The following CDKL3 variants were observed in gnomAD, a reference collection of about 807,000 sequenced individuals.
CDKL3 encodes the protein cyclin dependent kinase like 3.
Under a neutral mutation model 69.3 loss-of-function variants are expected in CDKL3, and 65 were observed. That is an observed-to-expected ratio of 0.94 (90% CI 0.77 to 1.15). CDKL3 has a LOEUF of 1.15. Ranked by LOEUF, CDKL3 falls within the 50% of genes most tolerant of loss-of-function variation. The pLI, the probability that CDKL3 is intolerant of heterozygous loss-of-function variation, is 0.00. For synonymous variants in CDKL3, 202 were observed against 221.6 expected (o/e 0.91, Z 0.79); for missense variants, 652 against 689.2 (o/e 0.95, Z 0.61).
Position 134,298,560 on chromosome 5 carries a change from A to C in CDKL3, c.*91T>G. 6.6e-7 allele frequency: 1 copy of C among 1,521,242 alleles called. No individual in the cohort carries two copies. Among genetic ancestry groups the C allele is most frequent in the Non-Finnish European group, 8.8e-7 (1 of 1,137,848 alleles). 94.2% of individuals were successfully genotyped at this position (1,521,242 alleles called of 1,614,324 possible). ...GCTCATGCACATGGATGGCTGTCTT[A>C]ACAACAACTCACATCACACTTCTAT... On this transcript the variant is annotated 3_prime_UTR_variant, in exon 13 of 13. Coordinates refer to ENST00000265334, the MANE Select transcript of CDKL3 (RefSeq NM_001113575.2).
chr5:134,356,711 G>A (rs1754698649), intron 3 of CDKL3, among the ~76,000 whole-genome samples: 1 of 152,140 alleles, frequency 6.6e-6, no homozygotes, highest in African/African-American at 2.4e-5. Context: ...TTGAACCTGG[G>A]AGGTGGAGGT....
intron 4 of CDKL3, among the ~76,000 whole-genome samples, chr5:134,339,925 G>C (rs1267823658): frequency 6.6e-6 from 1 of 152,104 alleles, no homozygotes; most frequent in Non-Finnish European, 1.5e-5. Context: ...AGAGAGGTAG[G>C]AGGGTCACTT....
intron 2 of CDKL3, among the ~76,000 whole-genome samples, chr5:134,360,946 A>G (rs1418352287): frequency 2.0e-5 from 3 of 152,212 alleles, no homozygotes; most frequent in Non-Finnish European, 4.4e-5. Flanking sequence ...GTGAACTACC[A>G]ATTTATAACC....
intron 6 of CDKL3, among the ~76,000 whole-genome samples, chr5:134,312,730 C>T (rs528072482): frequency 1.3e-5 from 2 of 152,332 alleles, no homozygotes; most frequent in East Asian, 1.9e-4. Flanking sequence ...TTTTACAGAT[C>T]TAGAAGCATG....
At chr5:134,308,521 G>A in intron 8 of CDKL3, 53 bp downstream of exon 8, 2 of 1,548,140 alleles carry the variant, frequency 1.3e-6, no homozygotes, top group Non-Finnish European at 1.7e-6. Flanking sequence ...TTTGTCATTA[G>A]AGTCTAACTA....
At chr5:134,311,669 G>A (rs1467681144) in intron 7 of CDKL3, among the ~76,000 whole-genome samples, 1 of 152,178 alleles carries the variant, frequency 6.6e-6, no homozygotes, top group Non-Finnish European at 1.5e-5. Flanking sequence ...AGTATTGATT[G>A]CTTATTTAAT....
chr5:134,319,461 T>C lies in CDKL3; in HGVS notation c.689A>G (p.Lys230Arg). Residue 230 changes from lysine to arginine, a missense_variant, in exon 6 of 13, where the codon AAG becomes AGG. Coordinates refer to ENST00000265334, the MANE Select transcript of CDKL3 (RefSeq NM_001113575.2). ...LSPHLQNIFS[K>R]SPIFAGVVLP... is the part of the protein sequence containing the mutation. ...AACTACCCCAGCAAAAATGGGGCTCTTGGAAAAGATATTCTGCAAGTGAGG... is the reference window on the plus strand; with the variant it reads ...AACTACCCCAGCAAAAATGGGGCTCCTGGAAAAGATATTCTGCAAGTGAGG... 1.3e-6 allele frequency: 2 copies of C among 1,532,974 alleles called. No individual in the cohort carries two copies. The highest frequency in any genetic ancestry group is 1.8e-6 in the Non-Finnish European group (2 of 1,142,208). 95.0% of individuals were successfully genotyped at this position (1,532,974 alleles called of 1,614,324 possible).
chr5:134,297,791 A>G (rs1164279986), downstream of CDKL3, among the ~76,000 whole-genome samples: 1 of 151,708 alleles, frequency 6.6e-6, no homozygotes, highest in Non-Finnish European at 1.5e-5. Flanking sequence ...CATGTTGGTC[A>G]GGCTGGTCTC....
chr5:134,321,537 A>C (rs1273202444), intron 5 of CDKL3, among the ~76,000 whole-genome samples: 1 of 152,136 alleles, frequency 6.6e-6, no homozygotes, highest in Non-Finnish European at 1.5e-5. Flanking sequence ...GTACATTCCT[A>C]TTGTACTATT....
At chr5:134,334,107 G>T (rs1489401238) in intron 4 of CDKL3, among the ~76,000 whole-genome samples, 1 of 152,110 alleles carries the variant, frequency 6.6e-6, no homozygotes, top group Non-Finnish European at 1.5e-5. Context: ...GGAGGGGTTT[G>T]TAGTATTCTC....
chr5:134,370,431 C>A (rs1329196251), upstream of CDKL3, among the ~76,000 whole-genome samples: 1 of 152,164 alleles, frequency 6.6e-6, no homozygotes, highest in Non-Finnish European at 1.5e-5. Flanking sequence ...AGATATATAA[C>A]CCTCACTCAT....
chr5:134,363,199 T>C (rs1166629589), intron 2 of CDKL3, among the ~76,000 whole-genome samples: 5 of 152,214 alleles, frequency 3.3e-5, no homozygotes, highest in Admixed American at 1.3e-4. Context: ...ATCTATAGTA[T>C]TATGTTTTAG....
chr5:134,360,147 AC>A (rs1457225155), intron 2 of CDKL3, 56 bp from the exon 3 acceptor site: 7 of 1,133,552 alleles, frequency 6.2e-6, no homozygotes, highest in Non-Finnish European at 8.7e-6. Context: ...AACAATTTGT[AC>A]ATATAACGTG....
intron 6 of CDKL3, among the ~76,000 whole-genome samples, chr5:134,314,446 T>C (rs1018141728): frequency 6.6e-6 from 1 of 152,210 alleles, no homozygotes; most frequent in Non-Finnish European, 1.5e-5. Flanking sequence ...TGTTCTTAGA[T>C]ATTTCTGCAG....
chr5:134,308,741 C>A lies in CDKL3; in HGVS notation c.882-14G>T. 6.4e-7 allele frequency: 1 copy of A among 1,570,898 alleles called. No individual in the cohort carries two copies. Among genetic ancestry groups the A allele is most frequent in the Non-Finnish European group, 8.6e-7 (1 of 1,167,278 alleles). Reference sequence around the variant, plus strand: ...TCTGGCATGAATCTGACAAAACAAGCAATATCAACGAGTAATCTTTTTATA... The same window carrying A: ...TCTGGCATGAATCTGACAAAACAAGAAATATCAACGAGTAATCTTTTTATA... On this transcript the variant is annotated splice_polypyrimidine_tract_variant and intron_variant, in intron 7 of 12. Transcript: ENST00000265334.
In CDKL3 at chr5:134,321,867, AATGATCATACAGCCCAAAGCCCAG is replaced by A; in HGVS notation, c.552_575del (p.Trp185_Ile192del). On this transcript the variant is annotated inframe_deletion, in exon 5 of 13. Transcript: ENST00000265334. ...GATAGGGATTTCCAGTGGCCATCTC[AATGATCATACAGCCCAAAGCCCAG>A]ATATCCACAGGTCTGAAACAGATCA... 6.2e-7 allele frequency: 1 copy of A among 1,612,028 alleles called. No homozygotes were observed. The highest frequency in any genetic ancestry group is 8.5e-7 in the Non-Finnish European group (1 of 1,178,274).
chr5:134,338,057 C>T (rs1043417601), intron 4 of CDKL3, among the ~76,000 whole-genome samples: 1 of 151,994 alleles, frequency 6.6e-6, no homozygotes, highest in African/African-American at 2.4e-5. Flanking sequence ...AAATAATATG[C>T]ATGCAATACA....
chr5:134,301,101 A>G (rs202187912), intron 12 of CDKL3, among the ~76,000 whole-genome samples: 1 of 151,950 alleles, frequency 6.6e-6, no homozygotes, highest in East Asian at 1.9e-4. Flanking sequence ...AGGTTCAAGC[A>G]ATTCTCCTGC....
intron 3 of CDKL3, among the ~76,000 whole-genome samples, chr5:134,354,932 T>A (rs1264497882): frequency 1.5e-5 from 2 of 131,982 alleles, no homozygotes; most frequent in African/African-American, 5.8e-5. Context: ...GGTGACAGAG[T>A]GAGACTCCGT....
Sources: gnomAD v4.1 joint callset for allele counts (sites outside exome capture counted in the v4.1 genomes callset) on GRCh38, gnomAD v4.1.1 for gene constraint, MANE v1.5 for transcripts, NCBI Gene and HGNC (gene_info 2026-07-23, HGNC 2026-07-21) for gene names.